Variants in RIMKLB observed in about 807,000 individuals in gnomAD.
RIMKLB encodes beta-citrylglutamate synthase B.
A neutral mutation model predicts 32.0 loss-of-function variants in RIMKLB; 7 were observed. The ratio of observed to expected loss-of-function variants is 0.22; its 90% CI spans 0.12 to 0.41. The LOEUF (loss-of-function observed/expected upper bound fraction) is 0.41. RIMKLB is among the 10% of genes least tolerant of loss of function. RIMKLB has a pLI of 1.00. For missense variants in RIMKLB, 289 were observed against 498.7 expected (o/e 0.58, Z 4.00); for synonymous variants, 172 against 185.1 (o/e 0.93, Z 0.57).
chr12:8,681,387 G>T (rs1276969481), upstream of RIMKLB, among the ~76,000 whole-genome samples: 1 of 152,158 alleles, frequency 6.6e-6, no homozygotes, highest in Admixed American at 6.6e-5. Context: ...TTTGGGCCTG[G>T]TTCCTGTCAC....
At chr12:8,767,737 A>G (rs567669784) in intron 5 of RIMKLB, among the ~76,000 whole-genome samples, 15 of 152,182 alleles carry the variant, frequency 9.9e-5, no homozygotes, top group Non-Finnish European at 2.2e-4. Flanking sequence ...AGCTGGTTCC[A>G]GGCAGACCAA....
the RIMKLB span, among the ~76,000 whole-genome samples, chr12:8,674,237 T>C: frequency 7.1e-6 from 1 of 139,890 alleles, no homozygotes; most frequent in Non-Finnish European, 1.5e-5. Flanking sequence ...TTTTTTTTTT[T>C]TCCTTTTTTT....
At position 8,776,714 on chromosome 12, in the gene RIMKLB, G is replaced by A. The variant is rs1950747841; in HGVS notation, c.*2930G>A. ...TGCCTATAATTGATTGGTCATTTCT[G>A]CTGGCTTTTCTCCAATGAACATTGA... On this transcript the variant is annotated 3_prime_UTR_variant, in exon 6 of 6. Transcript: ENST00000535829. 2.0e-6 allele frequency: 2 copies of A among 984,980 alleles called. No individual in the cohort carries two copies. Among genetic ancestry groups the A allele is most frequent in the Non-Finnish European group, 2.4e-6 (2 of 829,792 alleles). The allele number at this position is 984,980 out of a possible 1,614,324, so 61.0% of individuals were successfully genotyped here. A position where few individuals can be genotyped will look rare whatever the true frequency, so the allele number is the denominator to read the frequency against.
At chr12:8,761,514 C>T (rs1019405669) in intron 5 of RIMKLB, among the ~76,000 whole-genome samples, 3 of 152,038 alleles carry the variant, frequency 2.0e-5, no homozygotes, top group Admixed American at 2.0e-4. Flanking sequence ...GGTTTATATA[C>T]CGATCATTGC....
At chr12:8,710,152 A>ATT (rs769890560) in intron 1 of RIMKLB, among the ~76,000 whole-genome samples, 16 of 141,550 alleles carry the variant, frequency 1.1e-4, no homozygotes, top group African/African-American at 3.3e-4. Flanking sequence ...ACACCCGGCT[A>ATT]TTTTTTTTTT....
the RIMKLB span, among the ~76,000 whole-genome samples, chr12:8,672,305 T>G: frequency 0.44 from 66,238 of 152,106 alleles, 14,792 homozygotes; most frequent in African/African-American, 0.53. Flanking sequence ...CAGTTCCAAA[T>G]TTGCTTCCAC....
intron 1 of RIMKLB, among the ~76,000 whole-genome samples, chr12:8,712,070 G>A (rs1053885675): frequency 6.6e-6 from 1 of 152,218 alleles, no homozygotes; most frequent in African/African-American, 2.4e-5. Flanking sequence ...GTTTAAGGAG[G>A]AGGGAGGATA....
At chr12:8,769,192 CT>C (rs1391449814) in intron 5 of RIMKLB, among the ~76,000 whole-genome samples, 2 of 152,068 alleles carry the variant, frequency 1.3e-5, no homozygotes, top group Non-Finnish European at 2.9e-5. Context: ...AGTTAATATT[CT>C]TTTGGCTACC....
At chr12:8,701,575 CTTTGTTAACAAAGCTAATCATT>C (rs1342175838) in intron 1 of RIMKLB, among the ~76,000 whole-genome samples, 2 of 149,294 alleles carry the variant, frequency 1.3e-5, no homozygotes, top group Non-Finnish European at 3.0e-5. Context: ...TTTTTTCTAA[CTTTGTTAACAAAGCTAATCATT>C]TCTGGATCAG....
chr12:8,744,815 C>T lies in RIMKLB; in HGVS notation c.176-5047C>T, dbSNP rs971865713. Among the ~76,000 whole-genome samples the T allele has an allele frequency of 8.6e-5, 13 of 151,606 alleles. 1 individual carries two copies. The highest frequency in any genetic ancestry group is 3.2e-4 in the African/African-American group (13 of 41,050). On this transcript the variant is annotated intron_variant, in intron 2 of 5. Coordinates refer to ENST00000535829, the MANE Select transcript of RIMKLB (RefSeq NM_001297776.2). Reference sequence around the variant, plus strand: ...AGCTAGGATTACAGGTGTGTGCCACCATGTCTAATTTTTGCATTTTTTAAA... The same window carrying T: ...AGCTAGGATTACAGGTGTGTGCCACTATGTCTAATTTTTGCATTTTTTAAA...
chr12:8,723,804 C>CTTTTTTTTTTTTTTT lies in RIMKLB; in HGVS notation c.175+9773_175+9787dup, dbSNP rs35269536. 1.1e-4 allele frequency among the ~76,000 whole-genome samples: 8 copies of CTTTTTTTTTTTTTTT among 75,520 alleles called. 1 individual carries two copies. Among genetic ancestry groups the CTTTTTTTTTTTTTTT allele is most frequent in the African/African-American group, 4.2e-4 (8 of 18,884 alleles). 49.5% of individuals were successfully genotyped at this position (75,520 alleles called of 152,430 possible). ...ATTCTCATAGGCTTTCTTCAGTTCC[C>CTTTTTTTTTTTTTTT]TTTTTTTTTTTTTTTTTTTTTTTTG... On this transcript the variant is annotated intron_variant, in intron 2 of 5. Coordinates refer to ENST00000535829, the MANE Select transcript of RIMKLB (RefSeq NM_001297776.2).
Position 8,698,198 on chromosome 12 carries a change from T to A in RIMKLB, c.-156T>A, listed in dbSNP as rs1184055357. ...CGGTATCCCGACCCCCTCCCCCTCC[T>A]CTCCTTCCCCCACTTCCAGCCGCCC... On this transcript the variant is annotated 5_prime_UTR_variant, in exon 1 of 6. Coordinates refer to ENST00000535829, the MANE Select transcript of RIMKLB (RefSeq NM_001297776.2). 1.1e-5 allele frequency: 4 copies of A among 354,954 alleles called. No homozygotes were observed. The highest frequency in any genetic ancestry group is 1.7e-5 in the Non-Finnish European group (3 of 174,564). 22.0% of individuals were successfully genotyped at this position (354,954 alleles called of 1,614,324 possible).
At chr12:8,766,544 A>C in intron 5 of RIMKLB, among the ~76,000 whole-genome samples, 1 of 152,162 alleles carries the variant, frequency 6.6e-6, no homozygotes, top group East Asian at 1.9e-4. Context: ...TTCTGTAAGT[A>C]CTTTAAGGTT....
chr12:8,707,537 C>A (rs748674121), intron 1 of RIMKLB, among the ~76,000 whole-genome samples: 2 of 152,240 alleles, frequency 1.3e-5, no homozygotes, highest in East Asian at 1.9e-4. Flanking sequence ...TTGGAGACTT[C>A]GTTACACAGG....
intron 2 of RIMKLB, 200 bp downstream of exon 2, chr12:8,714,241 AT>A (rs955007396): frequency 2.0e-6 from 1 of 491,318 alleles, no homozygotes. Context: ...TGTGAGGGAA[AT>A]TAAAGGTGAC....
At position 8,775,351 on chromosome 12, in the gene RIMKLB, C is replaced by G; in HGVS notation, c.*1567C>G. On this transcript the variant is annotated 3_prime_UTR_variant, in exon 6 of 6. Coordinates refer to ENST00000535829, the MANE Select transcript of RIMKLB (RefSeq NM_001297776.2). Reference sequence around the variant, plus strand: ...TGCAGAATTTATAAAAGCCCCCAAACTGCATATAATATGAGCCTTTAAAAC... The same window carrying G: ...TGCAGAATTTATAAAAGCCCCCAAAGTGCATATAATATGAGCCTTTAAAAC... 1 of 985,328 alleles carries G rather than the reference C, an allele frequency of 1.0e-6. No individual in the cohort carries two copies. Among genetic ancestry groups the G allele is most frequent in the Non-Finnish European group, 1.2e-6 (1 of 829,824 alleles). The allele number at this position is 985,328 out of a possible 1,614,324, so 61.0% of individuals were successfully genotyped here. A position where few individuals can be genotyped will look rare whatever the true frequency, so the allele number is the denominator to read the frequency against.
chr12:8,772,675 C>A (rs747419785), intron 5 of RIMKLB, among the ~76,000 whole-genome samples: 4 of 152,244 alleles, frequency 2.6e-5, no homozygotes, highest in Non-Finnish European at 5.9e-5. Flanking sequence ...GTCATCCTCA[C>A]TCCTATGGAT....
intron 2 of RIMKLB, among the ~76,000 whole-genome samples, chr12:8,734,402 GTGACCTAT>G (rs1210332149): frequency 6.6e-6 from 1 of 152,182 alleles, no homozygotes; most frequent in Non-Finnish European, 1.5e-5. Context: ...ATTGGTTCTG[GTGACCTAT>G]TGACGCTTAG....
At chr12:8,777,976 A>C (rs1950830800), downstream of RIMKLB, among the ~76,000 whole-genome samples, 2 of 152,188 alleles carry the variant, frequency 1.3e-5, no homozygotes, top group Non-Finnish European at 2.9e-5. Context: ...TTTGGGGGTA[A>C]AGTTTGACTT....
Sources: allele counts gnomAD v4.1 joint callset (sites outside exome capture counted in the v4.1 genomes callset), GRCh38; gene constraint gnomAD v4.1.1; transcripts MANE v1.5; gene names NCBI Gene and HGNC (gene_info 2026-07-23, HGNC 2026-07-21).